WT1: variants seen among roughly 807,000 people sequenced by gnomAD.
The protein encoded by WT1 is WT1 transcription factor, also known as Wilms tumor protein.
In WT1, 8 loss-of-function variants were observed where a neutral mutation model predicts 60.8. The observed-to-expected ratio is 0.13, with a 90% CI of 0.08 to 0.24. The LOEUF (loss-of-function observed/expected upper bound fraction) is 0.24. WT1 is among the 10% of genes least tolerant of loss of function. The probability of loss-of-function intolerance (pLI) is 1.00; values close to 1 mark genes in which losing one functional copy is unlikely to be tolerated. For missense variants in WT1, 568 were observed against 711.8 expected, an observed-to-expected ratio of 0.80 and a Z score of 2.30; for synonymous variants, 312 against 297.1, an observed-to-expected ratio of 1.05 and a Z score of -0.52.
intron 3 of WT1, among the ~76,000 whole-genome samples, chr11:32,418,183 C>T (rs1852738853): frequency 6.7e-6 from 1 of 149,894 alleles, no homozygotes; most frequent in African/African-American, 2.5e-5. Flanking sequence ...CGATGATAAA[C>T]TCTATGCACA....
At chr11:32,391,092 C>A (rs972133182) in intron 9 of WT1, among the ~76,000 whole-genome samples, 1 of 152,164 alleles carries the variant, frequency 6.6e-6, no homozygotes, top group African/African-American at 2.4e-5. Flanking sequence ...TAGTGAGCGT[C>A]CTACCTCAGC....
intron 1 of WT1, 76 bp from the exon 2 acceptor site, chr11:32,428,695 G>C: frequency 6.5e-7 from 1 of 1,544,462 alleles, no homozygotes; most frequent in East Asian, 2.4e-5. Flanking sequence ...AACCAGCCAC[G>C]GGCGGGGGGG....
intron 9 of WT1, among the ~76,000 whole-genome samples, chr11:32,390,550 C>T (rs985084056): frequency 2.0e-4 from 30 of 152,168 alleles, no homozygotes; most frequent in Non-Finnish European, 1.5e-5. Context: ...CCAATTTGGG[C>T]GAAGAATCTG....
rs2132956666 is a variant in WT1, at chr11:32,399,938, G to C, written c.1113+10C>G. 1 of 1,614,112 alleles carries C rather than the reference G, an allele frequency of 6.2e-7. No homozygotes were observed. The highest frequency in any genetic ancestry group is 8.5e-7 in the Non-Finnish European group (1 of 1,179,988). On this transcript the variant is annotated intron_variant, in intron 6 of 9. Coordinates refer to ENST00000452863, the MANE Select transcript of WT1 (RefSeq NM_024426.6). The stretch of plus-strand genomic sequence containing the variant: ...GCCCCCTTCCCGCTGGGGCCTGTCT[G>C]TGTGCTCACCTGAATGCCTCTGAAG...
intron 5 of WT1, chr11:32,400,725 A>G (rs1484319907): frequency 6.2e-6 from 1 of 160,510 alleles, no homozygotes; most frequent in African/African-American, 2.4e-5. Context: ...GCTGAAAAGG[A>G]CAACTTGAAA....
At chr11:32,434,556 C>T (rs939934889) in intron 1 of WT1, 144 bp downstream of exon 1, 3 of 1,481,642 alleles carry the variant, frequency 2.0e-6, no homozygotes, top group Non-Finnish European at 2.7e-6. Context: ...CCTCCCCAGC[C>T]GCCGCTTCCG....
chr11:32,418,810 G>A lies in WT1; in HGVS notation c.888-1156C>T, dbSNP rs5030190. Among the ~76,000 whole-genome samples the A allele has an allele frequency of 1.0e-2, 1,520 of 152,292 alleles. 25 individuals are homozygous for A. Among genetic ancestry groups the A allele is most frequent in the African/African-American group, 0.034 (1,430 of 41,552 alleles). ...ATTCTGTGCTCTCTGTCCGCATAGCGTGATAAATCATGGCAGAGTCCATCT... is the reference window on the plus strand; with the variant it reads ...ATTCTGTGCTCTCTGTCCGCATAGCATGATAAATCATGGCAGAGTCCATCT... On this transcript the variant is annotated intron_variant, in intron 3 of 9. Coordinates refer to ENST00000452863, the MANE Select transcript of WT1 (RefSeq NM_024426.6).
At chr11:32,431,720 G>A (rs1291978207) in intron 1 of WT1, among the ~76,000 whole-genome samples, 1 of 151,978 alleles carries the variant, frequency 6.6e-6, no homozygotes, top group Non-Finnish European at 1.5e-5. Context: ...GCCCAAGCAA[G>A]CTTTTTTCCC....
chr11:32,400,089 C>A (rs1375924654), intron 5 of WT1, 45 bp from the exon 6 acceptor site: 1 of 1,603,810 alleles, frequency 6.2e-7, no homozygotes, highest in South Asian at 1.1e-5. Context: ...GGCTCACAGT[C>A]GCCATTTGGA....
At chr11:32,394,072 A>AT (rs35767556) in intron 7 of WT1, among the ~76,000 whole-genome samples, 3 of 151,826 alleles carry the variant, frequency 2.0e-5, no homozygotes, top group Non-Finnish European at 2.9e-5. Flanking sequence ...TTTTAAAAAT[A>AT]TTTTTTTTAG....
chr11:32,434,609 G>A (rs1258814058), intron 1 of WT1, 91 bp downstream of exon 1: 42 of 1,595,044 alleles, frequency 2.6e-5, no homozygotes, highest in Non-Finnish European at 3.5e-5. Flanking sequence ...AAGAGCTGCG[G>A]TCAAAAGGGG....
chr11:32,400,662 C>T (rs1852126794), intron 5 of WT1: 2 of 177,120 alleles, frequency 1.1e-5, no homozygotes, highest in Admixed American at 1.1e-4. Flanking sequence ...AGTCCCCTAA[C>T]TGGTGCTCAG....
At chr11:32,403,906 G>T (rs1226564024) in intron 5 of WT1, among the ~76,000 whole-genome samples, 1 of 152,034 alleles carries the variant, frequency 6.6e-6, no homozygotes, top group African/African-American at 2.4e-5. Flanking sequence ...AGCCATCTGT[G>T]TGTATCTCCT....
Position 32,434,843 on chromosome 11 carries a change from A to AC in WT1, c.517_518insG (p.Phe173CysfsTer31). ...GCGACAGGCTCCGGCTGTGCCAGTG[A>AC]ACTGGCCGGAAAAGTGGACAGTGAA... is the stretch of plus-strand genomic sequence containing the variant. On this transcript the variant is annotated frameshift_variant, in exon 1 of 10. Transcript: ENST00000452863. LOFTEE classifies it high-confidence loss of function. 6.2e-7 allele frequency: 1 copy of AC among 1,612,610 alleles called. No homozygotes were observed. Among genetic ancestry groups the AC allele is most frequent in the Non-Finnish European group, 8.5e-7 (1 of 1,179,862 alleles).
In WT1 at chr11:32,434,703, G is replaced by T. The variant is rs373935628; in HGVS notation, c.658C>A (p.Gln220Lys). 1.3e-5 allele frequency: 21 copies of T among 1,612,952 alleles called. No homozygotes were observed. The highest frequency in any genetic ancestry group is 1.8e-5 in the Non-Finnish European group (21 of 1,179,956). Residue 220 changes from glutamine to lysine, a missense_variant, in exon 1 of 10, where the codon CAG becomes AAG. By Grantham distance (53) the Gln-to-Lys change is moderately conservative. Transcript: ENST00000452863. Reference sequence around the variant, plus strand: ...GGGCGCTCCCCGGCCTACTTACCCTGATTGCGAATAGCGGGCTGGCTCTCG... The same window carrying T: ...GGGCGCTCCCCGGCCTACTTACCCTTATTGCGAATAGCGGGCTGGCTCTCG...
At chr11:32,416,748 A>T (rs1261793111) in intron 4 of WT1, among the ~76,000 whole-genome samples, 1 of 152,222 alleles carries the variant, frequency 6.6e-6, no homozygotes, top group Non-Finnish European at 1.5e-5. Context: ...TGGGCTTTGG[A>T]ATCAGATCTG....
chr11:32,434,765 C>A lies in WT1; in HGVS notation c.596G>T (p.Arg199Met). The stretch of plus-strand genomic sequence containing the variant: ...CAGGTAGGGCGCGTTAGGAAACATC[C>A]TGGCCTGGCCGGATGACGCCTGGCT... The change falls in exon 1 of 10, where the codon AGG becomes ATG. Residue 199 changes from arginine (R) to methionine (M), a missense_variant. Transcript: ENST00000452863. 1 of 1,612,838 alleles carries A rather than the reference C, an allele frequency of 6.2e-7. No individual in the cohort carries two copies. The highest frequency in any genetic ancestry group is 8.5e-7 in the Non-Finnish European group (1 of 1,179,902).
intron 1 of WT1, chr11:32,430,449 A>T: frequency 8.3e-7 from 1 of 1,200,830 alleles, no homozygotes; most frequent in Non-Finnish European, 1.1e-6. Flanking sequence ...AGAGAGAGAG[A>T]GGGAGGGAGA....
At chr11:32,428,121 G>C (rs1002824836) in intron 2 of WT1, 63 bp from the exon 3 acceptor site, 7 of 1,443,034 alleles carry the variant, frequency 4.9e-6, no homozygotes, top group Non-Finnish European at 6.6e-6. Flanking sequence ...GCGAGGCTGC[G>C]GGCAGGGGTT....
Sources: gnomAD v4.1 joint callset for allele counts (sites outside exome capture counted in the v4.1 genomes callset) on GRCh38, gnomAD v4.1.1 for gene constraint, MANE v1.5 for transcripts, NCBI Gene and HGNC (gene_info 2026-07-23, HGNC 2026-07-21) for gene names.